Variants in RANBP2 observed in about 807,000 individuals in gnomAD.
The protein encoded by RANBP2 is RAN binding protein 2.
Under a neutral mutation model 303.6 loss-of-function variants are expected in RANBP2, and 57 were observed. The ratio of observed to expected loss-of-function variants is 0.19; its 90% CI spans 0.15 to 0.23. RANBP2 has a LOEUF of 0.23. RANBP2 is among the 10% of genes least tolerant of loss of function. The pLI is 1.00. For missense variants in RANBP2, 3,138 were observed against 3,780.8 expected (o/e 0.83, Z 4.46); for synonymous variants, 1,167 against 1,301.5 (o/e 0.90, Z 2.23).
At chr2:108,736,980 A>G (rs1353625934) in intron 6 of RANBP2, among the ~76,000 whole-genome samples, 1 of 145,538 alleles carries the variant, frequency 6.9e-6, no homozygotes, top group African/African-American at 2.6e-5. Flanking sequence ...TATGCCTGTA[A>G]AGCCAGATTA....
chr2:109,633,165 G>T, the RANBP2 span, among the ~76,000 whole-genome samples: 1 of 152,178 alleles, frequency 6.6e-6, no homozygotes, highest in African/African-American at 2.4e-5. Context: ...GCCATGGCGG[G>T]TGGAATCACC....
At chr2:109,330,609 A>G in the RANBP2 span, among the ~76,000 whole-genome samples, 3 of 152,084 alleles carry the variant, frequency 2.0e-5, no homozygotes, top group Non-Finnish European at 4.4e-5. Context: ...TGGTGGGTCA[A>G]TGGGTGTGTG....
the RANBP2 span, among the ~76,000 whole-genome samples, chr2:109,569,938 A>G: frequency 1.7e-4 from 26 of 152,202 alleles, no homozygotes; most frequent in East Asian, 4.6e-3. Context: ...GGGGAGTGGC[A>G]AGATGAGGTC....
chr2:109,408,554 C>T, the RANBP2 span, among the ~76,000 whole-genome samples: 2 of 152,238 alleles, frequency 1.3e-5, no homozygotes, highest in African/African-American at 2.4e-5. Context: ...CTCAGGACCT[C>T]GTCCTCCCAT....
the RANBP2 span, among the ~76,000 whole-genome samples, chr2:109,628,138 C>T: frequency 6.6e-6 from 1 of 152,138 alleles, no homozygotes; most frequent in African/African-American, 2.4e-5. Context: ...GGGCCTGCAG[C>T]CACCCTCCAT....
the RANBP2 span, among the ~76,000 whole-genome samples, chr2:109,434,927 G>A: frequency 1.7e-4 from 26 of 152,196 alleles, no homozygotes; most frequent in Non-Finnish European, 2.6e-4. Flanking sequence ...CTGCCAGGGA[G>A]TTTGTTATGG....
the RANBP2 span, among the ~76,000 whole-genome samples, chr2:109,055,576 G>A: frequency 6.7e-6 from 1 of 149,778 alleles, no homozygotes; most frequent in East Asian, 2.1e-4. Flanking sequence ...AGTAGAGACA[G>A]GGTTTCACCA....
the RANBP2 span, among the ~76,000 whole-genome samples, chr2:109,539,123 C>T: frequency 6.6e-6 from 1 of 151,950 alleles, no homozygotes; most frequent in Non-Finnish European, 1.5e-5. Flanking sequence ...TATGGTGAAA[C>T]CCCGTCTCTA....
chr2:108,727,650 C>T (rs569546715), intron 1 of RANBP2, among the ~76,000 whole-genome samples: 1,676 of 144,844 alleles, frequency 0.012, 41 homozygotes, highest in African/African-American at 0.042. Flanking sequence ...GTTGCCCACG[C>T]TGGAGTGCAG....
At chr2:109,528,080 C>A in the RANBP2 span, among the ~76,000 whole-genome samples, 4 of 152,210 alleles carry the variant, frequency 2.6e-5, no homozygotes, top group African/African-American at 7.2e-5. Context: ...GGCATCCCAG[C>A]AGCTGAAGGG....
chr2:109,276,034 G>T, the RANBP2 span, among the ~76,000 whole-genome samples: 13 of 152,218 alleles, frequency 8.5e-5, no homozygotes, highest in Non-Finnish European at 1.5e-5. Context: ...TCATGGTTCA[G>T]TTGGCAGAGA....
the RANBP2 span, among the ~76,000 whole-genome samples, chr2:109,525,655 G>A: frequency 6.6e-6 from 1 of 152,194 alleles, no homozygotes; most frequent in Non-Finnish European, 1.5e-5. Context: ...TCACCATCAG[G>A]GTAGCTCAGG....
At chr2:109,054,766 G>A in the RANBP2 span, among the ~76,000 whole-genome samples, 1 of 150,606 alleles carries the variant, frequency 6.6e-6, no homozygotes, top group Non-Finnish European at 1.5e-5. Context: ...TCACCTCCAC[G>A]CCAGTCAAGA....
At chr2:109,322,095 A>C in the RANBP2 span, among the ~76,000 whole-genome samples, 3 of 152,122 alleles carry the variant, frequency 2.0e-5, no homozygotes, top group African/African-American at 7.2e-5. Context: ...AGAAGCGGGG[A>C]GAGGGAAAGA....
At chr2:109,664,009 G>A in the RANBP2 span, among the ~76,000 whole-genome samples, 7 of 152,158 alleles carry the variant, frequency 4.6e-5, no homozygotes, top group African/African-American at 1.4e-4. Flanking sequence ...TCTCTGCAGA[G>A]ACAGCCCTTC....
chr2:108,781,413 T>C lies in RANBP2; in HGVS notation c.8744T>C (p.Ile2915Thr). The change falls in exon 26 of 29, where the codon ATA becomes ACA. Residue 2915 changes from isoleucine (I) to threonine (T), a missense_variant. Coordinates refer to ENST00000283195, the MANE Select transcript of RANBP2 (RefSeq NM_006267.5). The stretch of plus-strand genomic sequence containing the variant: ...AATGAAGATATCCATTTTGAACCAA[T>C]AGTGTCACTACCAGAGGTAAATGTT... ...VHNEDIHFEP[I>T]VSLPEVEVKS... The C allele has an allele frequency of 6.2e-7, 1 of 1,614,126 alleles. No homozygotes were observed. The highest frequency in any genetic ancestry group is 1.6e-4 in the Middle Eastern group (1 of 6,062).
At chr2:109,545,933 A>G in the RANBP2 span, 1 of 1,454,376 alleles carries the variant, frequency 6.9e-7, no homozygotes, top group Non-Finnish European at 9.2e-7. Flanking sequence ...GCTGACATTT[A>G]GTTGGAGAAG....
chr2:108,732,540 A>C (rs894684015), intron 4 of RANBP2, among the ~76,000 whole-genome samples: 35 of 152,212 alleles, frequency 2.3e-4, no homozygotes, highest in African/African-American at 8.2e-4. Flanking sequence ...GTTTAACCCG[A>C]CCAAAGCACA....
the RANBP2 span, among the ~76,000 whole-genome samples, chr2:109,155,729 G>A: frequency 6.6e-6 from 1 of 152,172 alleles, no homozygotes; most frequent in South Asian, 2.1e-4. Context: ...AGCAGTACTT[G>A]AGAACAAAAA....
Sources: gnomAD v4.1 joint callset for allele counts (sites outside exome capture counted in the v4.1 genomes callset) on GRCh38, gnomAD v4.1.1 for gene constraint, MANE v1.5 for transcripts, NCBI Gene and HGNC (gene_info 2026-07-23, HGNC 2026-07-21) for gene names.